The following PPIP5K2 variants were observed in gnomAD, a reference collection of about 807,000 sequenced individuals.
PPIP5K2 encodes the protein diphosphoinositol pentakisphosphate kinase 2.
In PPIP5K2, 105 loss-of-function variants were observed where a neutral mutation model predicts 154.6. That is an observed-to-expected ratio of 0.68 (90% CI 0.58 to 0.80). PPIP5K2 has a LOEUF of 0.80. Ranked by LOEUF, PPIP5K2 falls within the 30% of genes least tolerant of loss-of-function variation. The pLI is 0.00. For missense variants in PPIP5K2, 992 were observed against 1,504.6 expected (o/e 0.66, Z 5.64); for synonymous variants, 480 against 490.3 (o/e 0.98, Z 0.28).
rs573110967 is a variant in PPIP5K2 at position 103,201,687 on chromosome 5, T to C, written c.*53T>C. The C allele has an allele frequency of 5.6e-6, 7 of 1,252,060 alleles. No homozygotes were observed. In the African/African-American group the frequency reaches 7.7e-5, roughly 14 times the overall value. The allele number at this position is 1,252,060 out of a possible 1,614,324, so 77.6% of individuals were successfully genotyped here. A position where few individuals can be genotyped will look rare whatever the true frequency, so the allele number is the denominator to read the frequency against. On this transcript the variant is annotated 3_prime_UTR_variant, in exon 31 of 31. Coordinates refer to ENST00000358359, the MANE Select transcript of PPIP5K2 (RefSeq NM_001276277.3). ...TACTTATAAAAATAGTATGTTCTTA[T>C]GTTTCTCCTTATGCATTTATGTGTT...
In PPIP5K2 at chr5:103,202,053, T is replaced by C. The variant is rs1803105025; in HGVS notation, c.*419T>C. ...AAATTTGACAGCCAGGGTTACATAT[T>C]GGGGACTTTTAAAGTGTCTTTCCAA... On this transcript the variant is annotated 3_prime_UTR_variant, in exon 31 of 31. Transcript: ENST00000358359. The C allele has an allele frequency of 6.4e-6, 1 of 155,526 alleles. No individual in the cohort carries two copies. Among genetic ancestry groups the C allele is most frequent in the African/African-American group, 2.4e-5 (1 of 41,484 alleles). The allele number at this position is 155,526 out of a possible 1,614,324, so 9.6% of individuals were successfully genotyped here. A position where few individuals can be genotyped will look rare whatever the true frequency, so the allele number is the denominator to read the frequency against.
chr5:103,194,957 A>G lies in PPIP5K2; in HGVS notation c.3551A>G (p.Tyr1184Cys), dbSNP rs1481095082. ...AGAAAAAAAGTATCTTTAAATACGTATACACCTGCAAAGATCCTCCCAACA... is the reference window on the plus strand; with the variant it reads ...AGAAAAAAAGTATCTTTAAATACGTGTACACCTGCAAAGATCCTCCCAACA... ...IMRKKVSLNT[Y>C]TPAKILPTPP... Residue 1184 changes from tyrosine (Y) to cysteine (C), a missense_variant, in exon 30 of 31, where the codon TAT becomes TGT. This residue lies in a region of PPIP5K2 where 131 missense variants were observed against 117.8 expected (regional missense o/e 1.11). Coordinates refer to ENST00000358359, the MANE Select transcript of PPIP5K2 (RefSeq NM_001276277.3). The G allele has an allele frequency of 3.1e-6, 5 of 1,613,632 alleles. No homozygotes were observed. The African/African-American group carries it at 4.0e-5, about 13-fold the overall frequency.
chr5:103,190,581 C>T (rs974098906), intron 28 of PPIP5K2, among the ~76,000 whole-genome samples: 4 of 150,914 alleles, frequency 2.7e-5, no homozygotes, highest in Admixed American at 2.0e-4. Context: ...AAGTATTATT[C>T]TTAGATTTTA....
At chr5:103,180,309 T>C (rs1258996171) in intron 24 of PPIP5K2, 121 bp downstream of exon 24, 4 of 720,246 alleles carry the variant, frequency 5.6e-6, no homozygotes, top group African/African-American at 1.9e-5. Flanking sequence ...TTAAATGTTA[T>C]TTAATCTATT....
chr5:103,209,332 G>T lies in PPIP5K2; in HGVS notation c.*7698G>T, dbSNP rs1335351346. On this transcript the variant is annotated 3_prime_UTR_variant, in exon 31 of 31. Transcript: ENST00000358359. ...ACCCCCCAAAAACCAAAAAATAAAG[G>T]TTATTCTAGCATCTTCTCCTTTTAA... is the stretch of plus-strand genomic sequence containing the variant. 2 of 151,934 alleles carry T rather than the reference G, an allele frequency of 1.3e-5. No individual in the cohort carries two copies. Among genetic ancestry groups the T allele is most frequent in the African/African-American group, 4.8e-5 (2 of 41,386 alleles). 9.4% of individuals were successfully genotyped at this position (151,934 alleles called of 1,614,324 possible). A position where few individuals can be genotyped will look rare whatever the true frequency, so the allele number is the denominator to read the frequency against.
At chr5:103,139,411 A>AGGT (rs1450900904) in intron 5 of PPIP5K2, among the ~76,000 whole-genome samples, 1 of 152,216 alleles carries the variant, frequency 6.6e-6, no homozygotes, top group African/African-American at 2.4e-5. Flanking sequence ...TAGTCCACCA[A>AGGT]GGTGGTGCCT....
chr5:103,164,910 G>A (rs77583471), intron 17 of PPIP5K2, among the ~76,000 whole-genome samples: 1 of 151,976 alleles, frequency 6.6e-6, no homozygotes, highest in Non-Finnish European at 1.5e-5. Context: ...CATTACAAAG[G>A]CATAACAGGA....
At chr5:103,142,181 G>A (rs1056416629) in intron 5 of PPIP5K2, among the ~76,000 whole-genome samples, 10 of 152,230 alleles carry the variant, frequency 6.6e-5, no homozygotes, top group Non-Finnish European at 1.5e-4. Flanking sequence ...CCTGCCCTGC[G>A]GGAAGGCAGC....
At chr5:103,124,625 T>C (rs1354120250) in intron 1 of PPIP5K2, among the ~76,000 whole-genome samples, 1 of 152,166 alleles carries the variant, frequency 6.6e-6, no homozygotes, top group African/African-American at 2.4e-5. Context: ...AGGATGGCTG[T>C]GAGATTGTTA....
chr5:103,159,374 A>T (rs1554214919), intron 17 of PPIP5K2, 46 bp downstream of exon 17: 2 of 1,458,282 alleles, frequency 1.4e-6, no homozygotes, highest in African/African-American at 1.4e-5. Context: ...ACACACACAC[A>T]GAAAAGTGAT....
chr5:103,157,467 C>A (rs1197693829), intron 14 of PPIP5K2, among the ~76,000 whole-genome samples: 1 of 151,952 alleles, frequency 6.6e-6, no homozygotes, highest in Non-Finnish European at 1.5e-5. Context: ...TGCAAATCAC[C>A]GATTTCCAAT....
chr5:103,141,897 T>C (rs32844), intron 5 of PPIP5K2, among the ~76,000 whole-genome samples: 37,194 of 152,030 alleles, frequency 0.24, 5,197 homozygotes, highest in East Asian at 0.45. Context: ...TGCTGATTGG[T>C]GTATTTACAA....
At position 103,185,765 on chromosome 5, in the gene PPIP5K2, A is replaced by G. The variant is rs562056969; in HGVS notation, c.3170-555A>G. 7.4e-4 allele frequency among the ~76,000 whole-genome samples: 112 copies of G among 152,198 alleles called. 1 individual carries two copies. The South Asian group carries it at 0.023, about 31-fold the overall frequency. On this transcript the variant is annotated intron_variant, in intron 26 of 30. Transcript: ENST00000358359. ...GTATTTAAAGTGATTTAGGCCTTGA[A>G]TGACTGAAAAGGACCTGGTCTCACA...
Position 103,129,665 on chromosome 5 carries a change from C to A in PPIP5K2, c.76C>A (p.His26Asn), listed in dbSNP as rs781934153. 1.2e-6 allele frequency: 2 copies of A among 1,609,396 alleles called. No individual in the cohort carries two copies. The highest frequency in any genetic ancestry group is 2.2e-5 in the South Asian group (2 of 90,212). Residue 26 changes from histidine (H) to asparagine (N), a missense_variant, in exon 2 of 31, where the codon CAC becomes AAC. His to Asn is a moderately conservative substitution (Grantham distance 68, BLOSUM62 1). Around this residue, in one of 9 missense-constraint regions of PPIP5K2, gnomAD observed 153 missense variants for 200.4 expected, o/e 0.76. Coordinates refer to ENST00000358359, the MANE Select transcript of PPIP5K2 (RefSeq NM_001276277.3). ...INPGNYRHFFHHADEDDEEED... is the reference protein window; with the variant it reads ...INPGNYRHFFNHADEDDEEED... ...TCCTGGAAATTATCGACATTTCTTC[C>A]ACCATGCAGATGAAGACGATGAGGA... is the stretch of plus-strand genomic sequence containing the variant.
rs782124900 is a variant in PPIP5K2, at chr5:103,154,963, G to T, written c.1403+20G>T. 6.9e-7 allele frequency: 1 copy of T among 1,455,186 alleles called. No individual in the cohort carries two copies. The highest frequency in any genetic ancestry group is 9.4e-7 in the Non-Finnish European group (1 of 1,068,454). 90.1% of individuals were successfully genotyped at this position (1,455,186 alleles called of 1,614,324 possible). Reference sequence around the variant, plus strand: ...AGAGATGTGAGTATCTTTTTGAAACGCTTAATTGTGGTACTACATATAGCT... The same window carrying T: ...AGAGATGTGAGTATCTTTTTGAAACTCTTAATTGTGGTACTACATATAGCT... On this transcript the variant is annotated intron_variant, in intron 13 of 30. Transcript: ENST00000358359.
In PPIP5K2 at chr5:103,173,206, ACTC is replaced by A; in HGVS notation, c.2342_2344del (p.Pro781del). The A allele has an allele frequency of 6.2e-7, 1 of 1,611,252 alleles. No individual in the cohort carries two copies. The highest frequency in any genetic ancestry group is 8.5e-7 in the Non-Finnish European group (1 of 1,178,110). ...ACTGGAGATTGCCAAAGGCTACTGT[ACTC>A]CTCTGGTTAGAAAAATTCGCTCAGA... On this transcript the variant is annotated inframe_deletion, in exon 20 of 31. Coordinates refer to ENST00000358359, the MANE Select transcript of PPIP5K2 (RefSeq NM_001276277.3).
At chr5:103,137,084 A>G (rs550383197) in intron 4 of PPIP5K2, among the ~76,000 whole-genome samples, 7 of 152,276 alleles carry the variant, frequency 4.6e-5, no homozygotes, top group African/African-American at 1.7e-4. Flanking sequence ...TCCAGAGCCT[A>G]CTAAACCATT....
At chr5:103,162,301 A>C (rs1453008794) in intron 17 of PPIP5K2, among the ~76,000 whole-genome samples, 2 of 151,204 alleles carry the variant, frequency 1.3e-5, no homozygotes, top group Non-Finnish European at 2.9e-5. Context: ...TAGATAACAT[A>C]AAGTTAACAC....
At chr5:103,174,184 A>G (rs1434014835) in intron 21 of PPIP5K2, 10 of 414,432 alleles carry the variant, frequency 2.4e-5, no homozygotes, top group Non-Finnish European at 4.3e-5. Flanking sequence ...GCAAACAATA[A>G]TATAAAGTAT....
Sources: gnomAD v4.1 joint callset for allele counts (sites outside exome capture counted in the v4.1 genomes callset) on GRCh38, gnomAD v4.1.1 for gene constraint, gnomAD v4.1.1 regional missense constraint, MANE v1.5 for transcripts, NCBI Gene and HGNC (gene_info 2026-07-23, HGNC 2026-07-21) for gene names.